Variants in RBKS observed in about 807,000 individuals in gnomAD.
RBKS encodes the protein ribokinase.
RBKS carries 33 observed loss-of-function variants against 33.9 expected under a neutral mutation model. The ratio of observed to expected loss-of-function variants is 0.97; its 90% CI spans 0.74 to 1.30. The LOEUF is 1.30. Among genes scored for constraint, RBKS ranks in the 50% most tolerant of loss-of-function variants. The pLI is 0.00. For missense variants in RBKS, 361 were observed against 392.6 expected (o/e 0.92, Z 0.68); for synonymous variants, 125 against 143.0 (o/e 0.87, Z 0.90).
At chr2:27,849,960 T>G (rs943979669) in intron 2 of RBKS, among the ~76,000 whole-genome samples, 2 of 152,222 alleles carry the variant, frequency 1.3e-5, no homozygotes, top group African/African-American at 2.4e-5. Context: ...TCCGTGGTGC[T>G]GCAATCACTG....
Position 27,890,008 on chromosome 2 carries a change from C to A in RBKS, c.89+249G>T, listed in dbSNP as rs1664685956. 2.5e-6 allele frequency: 1 copy of A among 401,032 alleles called. No homozygotes were observed. Among genetic ancestry groups the A allele is most frequent in the East Asian group, 3.8e-5 (1 of 26,096 alleles). 24.8% of individuals were successfully genotyped at this position (401,032 alleles called of 1,614,324 possible). On this transcript the variant is annotated intron_variant, in intron 1 of 7. Coordinates refer to ENST00000302188, the MANE Select transcript of RBKS (RefSeq NM_022128.3). This position sits in a 1 kb window ranked among gnomAD's most constrained non-coding sequence, Gnocchi z 4.8. ...TTGGAGGGCAGGTCTTTGGGGAGCG[C>A]TTTGAGTAATATTAGAGCTTTCACT...
chr2:27,890,036 ACCCTGGCCTATTACGTC>A lies in RBKS; in HGVS notation c.89+204_89+220del, dbSNP rs554938592. On this transcript the variant is annotated intron_variant, in intron 1 of 7. Transcript: ENST00000302188. This position sits in a 1 kb window ranked among gnomAD's most constrained non-coding sequence, Gnocchi z 4.8. Reference sequence around the variant, plus strand: ...TGAGTAATATTAGAGCTTTCACTAAACCCTGGCCTATTACGTCCCCTCCCCTGAGATTTACCTTTATA... The same window carrying A: ...TGAGTAATATTAGAGCTTTCACTAAACCCTCCCCTGAGATTTACCTTTATA... The A allele has an allele frequency of 5.8e-6, 3 of 514,372 alleles. No homozygotes were observed. The African/African-American group carries it at 5.8e-5, about 10-fold the overall frequency. The allele number at this position is 514,372 out of a possible 1,614,324, so 31.9% of individuals were successfully genotyped here.
At chr2:27,853,873 A>G (rs1011666489) in intron 2 of RBKS, among the ~76,000 whole-genome samples, 4 of 152,200 alleles carry the variant, frequency 2.6e-5, no homozygotes, top group Admixed American at 6.5e-5. Context: ...CCAACTAATT[A>G]TATCTAGCTG....
intron 7 of RBKS, among the ~76,000 whole-genome samples, chr2:27,800,672 T>A (rs919988772): frequency 6.6e-5 from 10 of 152,004 alleles, no homozygotes; most frequent in Non-Finnish European, 4.4e-5. Flanking sequence ...ACAAAGTAGG[T>A]CACCATCCTA....
intron 7 of RBKS, among the ~76,000 whole-genome samples, chr2:27,816,186 G>A (rs1021428929): frequency 1.3e-5 from 2 of 152,182 alleles, no homozygotes; most frequent in South Asian, 4.1e-4. Context: ...AGAGCCCTGG[G>A]TATTCAACTG....
intron 1 of RBKS, among the ~76,000 whole-genome samples, chr2:27,867,103 CAA>C (rs59698190): frequency 7.1e-6 from 1 of 140,800 alleles, no homozygotes; most frequent in Non-Finnish European, 1.5e-5. Context: ...GACCCTGTCT[CAA>C]AAAAAAAAAA....
intron 1 of RBKS, among the ~76,000 whole-genome samples, chr2:27,866,913 G>A (rs1281639562): frequency 6.6e-6 from 1 of 152,060 alleles, no homozygotes; most frequent in African/African-American, 2.4e-5. Flanking sequence ...AGACCAGCCT[G>A]GGCAACATAG....
chr2:27,887,824 A>G (rs1664570352), intron 1 of RBKS, among the ~76,000 whole-genome samples: 1 of 152,196 alleles, frequency 6.6e-6, no homozygotes, highest in South Asian at 2.1e-4. Context: ...TTTATGAAGG[A>G]AAGAATATGG....
chr2:27,870,878 C>T (rs1265324616), intron 1 of RBKS: 2 of 458,988 alleles, frequency 4.4e-6, no homozygotes, highest in African/African-American at 2.0e-5. Flanking sequence ...AACATATCCT[C>T]ATGCACATCC....
chr2:27,864,841 G>C (rs545105314), intron 1 of RBKS, among the ~76,000 whole-genome samples: 5 of 152,154 alleles, frequency 3.3e-5, no homozygotes, highest in African/African-American at 1.2e-4. Context: ...CCTCTGGGGT[G>C]GGGGAAGAAG....
At chr2:27,823,766 C>T (rs750161824) in intron 7 of RBKS, among the ~76,000 whole-genome samples, 2 of 152,178 alleles carry the variant, frequency 1.3e-5, no homozygotes, top group Non-Finnish European at 2.9e-5. Flanking sequence ...GTCACTGCTG[C>T]TCCACCTGGG....
chr2:27,865,214 G>A (rs1435370831), intron 1 of RBKS, among the ~76,000 whole-genome samples: 1 of 152,174 alleles, frequency 6.6e-6, no homozygotes, highest in African/African-American at 2.4e-5. Context: ...CAGTTACTCG[G>A]GAGGCTGAGG....
chr2:27,870,992 C>T (rs1489527119), intron 1 of RBKS: 5 of 421,988 alleles, frequency 1.2e-5, no homozygotes, highest in Non-Finnish European at 2.4e-5. Flanking sequence ...TCCACTCTAA[C>T]AATTGTGCCT....
intron 1 of RBKS, among the ~76,000 whole-genome samples, chr2:27,863,551 G>C (rs1045706500): frequency 2.6e-5 from 4 of 152,088 alleles, no homozygotes; most frequent in Admixed American, 6.6e-5. Flanking sequence ...GAGATTATTC[G>C]AACCAAAGGA....
At chr2:27,790,303 A>G (rs1407281831) in intron 7 of RBKS, among the ~76,000 whole-genome samples, 1 of 152,196 alleles carries the variant, frequency 6.6e-6, no homozygotes, top group African/African-American at 2.4e-5. Flanking sequence ...ATAGACAACA[A>G]TTAACTCAAA....
chr2:27,807,543 G>A (rs1677918023), intron 7 of RBKS, among the ~76,000 whole-genome samples: 1 of 152,194 alleles, frequency 6.6e-6, no homozygotes, highest in Admixed American at 6.5e-5. Context: ...ACCACGCCTG[G>A]CTATAAAAAA....
At chr2:27,881,723 T>G (rs1418767974) in intron 1 of RBKS, among the ~76,000 whole-genome samples, 1 of 151,934 alleles carries the variant, frequency 6.6e-6, no homozygotes, top group African/African-American at 2.4e-5. Context: ...AACAGACATA[T>G]AAACCAATGG....
At chr2:27,882,544 A>G (rs911618226) in intron 1 of RBKS, among the ~76,000 whole-genome samples, 1 of 152,222 alleles carries the variant, frequency 6.6e-6, no homozygotes. Flanking sequence ...CTAAAAACAG[A>G]ATTACCATTT....
intron 7 of RBKS, among the ~76,000 whole-genome samples, chr2:27,799,697 T>TG (rs1677736378): frequency 6.6e-6 from 1 of 152,224 alleles, no homozygotes; most frequent in Non-Finnish European, 1.5e-5. Flanking sequence ...ACCACCATAC[T>TG]GGGGCCACCA....
Sources: allele counts gnomAD v4.1 joint callset (sites outside exome capture counted in the v4.1 genomes callset), GRCh38; gene constraint gnomAD v4.1.1; non-coding constraint Gnocchi (gnomAD v3.1); transcripts MANE v1.5; gene names NCBI Gene and HGNC (gene_info 2026-07-23, HGNC 2026-07-21).